The following CREBBP variants were observed in gnomAD, a reference collection of about 807,000 sequenced individuals.
CREBBP encodes CREB-binding protein.
CREBBP carries 19 observed loss-of-function variants against 265.0 expected under a neutral mutation model. The observed-to-expected ratio is 0.07, with a 90% CI of 0.05 to 0.11. The LOEUF (loss-of-function observed/expected upper bound fraction) is 0.11. Among genes scored for constraint, CREBBP ranks in the 10% least tolerant of loss-of-function variants. CREBBP has a pLI of 1.00. For missense variants in CREBBP, 2,525 were observed against 3,219.0 expected, an observed-to-expected ratio of 0.78 and a Z score of 5.22; for synonymous variants, 1,457 against 1,223.7, an observed-to-expected ratio of 1.19 and a Z score of -3.98.
At chr16:3,838,551 C>A (rs1342867041) in intron 2 of CREBBP, among the ~76,000 whole-genome samples, 2 of 152,120 alleles carry the variant, frequency 1.3e-5, no homozygotes, top group African/African-American at 4.8e-5. Context: ...ACTGGAAATA[C>A]TACTCCAACT....
At chr16:3,733,465 G>A (rs1383155808) in intron 28 of CREBBP, among the ~76,000 whole-genome samples, 1 of 152,034 alleles carries the variant, frequency 6.6e-6, no homozygotes, top group African/African-American at 2.4e-5. Flanking sequence ...GGGACGTCAG[G>A]GGAAAACTGA....
intron 1 of CREBBP, among the ~76,000 whole-genome samples, chr16:3,863,285 T>C (rs1026773524): frequency 1.3e-5 from 2 of 152,208 alleles, no homozygotes; most frequent in Non-Finnish European, 2.9e-5. Flanking sequence ...GAATGATTAC[T>C]ATTTACCTTC....
chr16:3,731,553 C>CA lies in CREBBP; in HGVS notation c.4891-81dup. 1 of 1,517,186 alleles carries CA rather than the reference C, an allele frequency of 6.6e-7. No homozygotes were observed. The highest frequency in any genetic ancestry group is 2.4e-5 in the East Asian group (1 of 41,824). The allele number at this position is 1,517,186 out of a possible 1,614,324, so 94.0% of individuals were successfully genotyped here. The stretch of plus-strand genomic sequence containing the variant: ...TGAGCTCAGGGCAGGCGCAGCCACC[C>CA]AGCCTGCAGAATAGGCAGGTGGCTG... On this transcript the variant is annotated intron_variant, in intron 29 of 30. Transcript: ENST00000262367. The surrounding 1 kb of genome is among the most constrained non-coding windows in gnomAD (Gnocchi z 7.7).
chr16:3,787,066 G>A (rs970903202), intron 5 of CREBBP, among the ~76,000 whole-genome samples: 33 of 133,372 alleles, frequency 2.5e-4, no homozygotes, highest in African/African-American at 1.0e-3. Context: ...GTGAGACTTC[G>A]TCTCAAAAAA....
chr16:3,850,323 T>C lies in CREBBP; in HGVS notation c.772A>G (p.Thr258Ala), dbSNP rs1597053070. Residue 258 changes from threonine to alanine, a missense_variant, in exon 2 of 31, where the codon ACC (threonine) becomes GCC (alanine). This residue lies in a region of CREBBP where 356 missense variants were observed against 340.4 expected (regional missense o/e 1.05). Transcript: ENST00000262367. ...PQMTGHAGLN[T>A]AQAGGMAKMG... is the part of the protein sequence containing the mutation. ...TTGGCCATGCCTCCTGCCTGTGCGG[T>C]GTTCAGTCCCGCGTGACCAGTCATT... 1 of 1,614,216 alleles carries C rather than the reference T, an allele frequency of 6.2e-7. No individual in the cohort carries two copies. The highest frequency in any genetic ancestry group is 8.5e-7 in the Non-Finnish European group (1 of 1,180,040).
rs761012080 is a variant in CREBBP at position 3,736,828 on chromosome 16, C to T, written c.4395-13G>A. The T allele has an allele frequency of 4.3e-6, 7 of 1,613,994 alleles. No individual in the cohort carries two copies. The East Asian group carries it at 1.3e-4, about 31-fold the overall frequency. On this transcript the variant is annotated splice_polypyrimidine_tract_variant and intron_variant, in intron 26 of 30. Transcript: ENST00000262367. ...CCCTGTCACATACCTGCAGGACCCA[C>T]GCACACACGTCAGATGAACGTGCCA...
Position 3,725,331 on chromosome 16 carries a change from C to G in CREBBP, c.*2387G>C, listed in dbSNP as rs566521450. 1 of 233,106 alleles carries G rather than the reference C, an allele frequency of 4.3e-6. No individual in the cohort carries two copies. Among genetic ancestry groups the G allele is most frequent in the African/African-American group, 2.2e-5 (1 of 45,346 alleles). The allele number at this position is 233,106 out of a possible 1,614,324, so 14.4% of individuals were successfully genotyped here. ...CAAAGAGGATGAGGTTGGTACATAA[C>G]GTTTTGAATTCCAGGATAACCTGAA... On this transcript the variant is annotated 3_prime_UTR_variant, in exon 31 of 31. Coordinates refer to ENST00000262367, the MANE Select transcript of CREBBP (RefSeq NM_004380.3).
chr16:3,779,059 C>T (rs1015894846), intron 8 of CREBBP, among the ~76,000 whole-genome samples: 4 of 151,342 alleles, frequency 2.6e-5, no homozygotes, highest in Non-Finnish European at 4.4e-5. Context: ...CCCAGCTACT[C>T]GGGAGGCTGA....
chr16:3,767,106 TG>T (rs2052873690), intron 16 of CREBBP, among the ~76,000 whole-genome samples: 1 of 152,200 alleles, frequency 6.6e-6, no homozygotes. Context: ...CTCTTTACTG[TG>T]GATACATCTC....
intron 1 of CREBBP, among the ~76,000 whole-genome samples, chr16:3,854,929 G>C (rs1188902152): frequency 6.6e-6 from 1 of 152,188 alleles, no homozygotes; most frequent in African/African-American, 2.4e-5. Flanking sequence ...CTGAGAGTAA[G>C]TTGCAGACGA....
intron 15 of CREBBP, among the ~76,000 whole-genome samples, chr16:3,768,290 T>C (rs1021650442): frequency 2.0e-5 from 3 of 151,440 alleles, no homozygotes; most frequent in Admixed American, 6.6e-5. Flanking sequence ...GGATTACACG[T>C]GTGTGCCACC....
At chr16:3,862,028 C>A (rs1251486849) in intron 1 of CREBBP, among the ~76,000 whole-genome samples, 2 of 152,156 alleles carry the variant, frequency 1.3e-5, no homozygotes, top group African/African-American at 2.4e-5. Flanking sequence ...TGCTCAGGGG[C>A]CCTCACTCGG....
At chr16:3,811,507 T>C (rs930234642) in intron 2 of CREBBP, among the ~76,000 whole-genome samples, 3 of 152,234 alleles carry the variant, frequency 2.0e-5, no homozygotes, top group Non-Finnish European at 4.4e-5. Flanking sequence ...TTTATTTTAA[T>C]AGAGACAGCA....
chr16:3,765,815 T>A (rs1036121199), intron 16 of CREBBP, among the ~76,000 whole-genome samples: 1 of 151,356 alleles, frequency 6.6e-6, no homozygotes, highest in Non-Finnish European at 1.5e-5. Context: ...ACCCAGCTAA[T>A]TTTTTTTTAA....
In CREBBP at chr16:3,738,782, G is replaced by A. The variant is rs1007986140; in HGVS notation, c.4281-110C>T. On this transcript the variant is annotated intron_variant, in intron 25 of 30. Coordinates refer to ENST00000262367, the MANE Select transcript of CREBBP (RefSeq NM_004380.3). Reference sequence around the variant, plus strand: ...TACTTTTTAGACAGGGTCTTGCTCTGTCATTCAGGCTGCAATGCGGTGACG... The same window carrying A: ...TACTTTTTAGACAGGGTCTTGCTCTATCATTCAGGCTGCAATGCGGTGACG... 6.5e-6 allele frequency: 5 copies of A among 765,616 alleles called. No individual in the cohort carries two copies. The African/African-American group carries it at 8.6e-5, about 13-fold the overall frequency. 47.4% of individuals were successfully genotyped at this position (765,616 alleles called of 1,614,324 possible).
chr16:3,843,256 C>T (rs766343628), intron 2 of CREBBP, among the ~76,000 whole-genome samples: 1 of 152,084 alleles, frequency 6.6e-6, no homozygotes, highest in Non-Finnish European at 1.5e-5. Context: ...GACTTGCCTA[C>T]CTCCTATCCT....
At chr16:3,867,899 C>G (rs1597081821) in intron 1 of CREBBP, among the ~76,000 whole-genome samples, 1 of 152,034 alleles carries the variant, frequency 6.6e-6, no homozygotes, top group East Asian at 1.9e-4. Context: ...GCACACCAGC[C>G]TGGCGGACAG....
intron 2 of CREBBP, among the ~76,000 whole-genome samples, chr16:3,845,200 C>T (rs1421647769): frequency 6.6e-6 from 1 of 152,216 alleles, no homozygotes; most frequent in Non-Finnish European, 1.5e-5. Flanking sequence ...CAGATTCTAA[C>T]TCAATTGCTC....
rs1159688899 is a variant in CREBBP, at chr16:3,851,860, CAAAA to C, written c.86-855_86-852del. ...TGGGCGACAGAGCGAGACTCCGTCT[CAAAA>C]AAAAAAAAAAAAAAAGACAAAACAT... On this transcript the variant is annotated intron_variant, in intron 1 of 30. Coordinates refer to ENST00000262367, the MANE Select transcript of CREBBP (RefSeq NM_004380.3). Among the ~76,000 whole-genome samples the C allele has an allele frequency of 2.1e-3, 61 of 28,962 alleles. 2 individuals carry two copies. Among genetic ancestry groups the C allele is most frequent in the African/African-American group, 6.6e-3 (54 of 8,124 alleles). The allele number at this position is 28,962 out of a possible 152,430, so 19.0% of individuals were successfully genotyped here.
Sources: allele counts gnomAD v4.1 joint callset (sites outside exome capture counted in the v4.1 genomes callset), GRCh38; gene constraint gnomAD v4.1.1; regional missense constraint gnomAD v4.1.1; non-coding constraint Gnocchi (gnomAD v3.1); transcripts MANE v1.5; gene names NCBI Gene and HGNC (gene_info 2026-07-23, HGNC 2026-07-21).